SH3BGRL2: variants seen among roughly 807,000 people sequenced by gnomAD.
SH3BGRL2 encodes the protein SH3 domain-binding glutamic acid-rich-like protein 2.
In SH3BGRL2, 21 loss-of-function variants were observed where a neutral mutation model predicts 14.8. That is an observed-to-expected ratio of 1.42 (90% confidence interval 1.01 to 2.05). The LOEUF is 2.05. Ranked by LOEUF, SH3BGRL2 falls within the 30% of genes most tolerant of loss-of-function variation. The pLI is 0.00. For synonymous variants in SH3BGRL2, 50 were observed against 47.8 expected (o/e 1.05, Z -0.19); for missense variants, 147 against 130.8 (o/e 1.12, Z -0.61).
intron 1 of SH3BGRL2, among the ~76,000 whole-genome samples, chr6:79,665,028 C>A (rs1461519128): frequency 1.1e-4 from 17 of 152,058 alleles, no homozygotes; most frequent in Admixed American, 1.0e-3. Flanking sequence ...GGTGAAACCT[C>A]GTCTCTACTA....
chr6:79,617,829 C>A, the SH3BGRL2 span, among the ~76,000 whole-genome samples: 705 of 152,256 alleles, frequency 4.6e-3, 9 homozygotes, highest in African/African-American at 0.016. Flanking sequence ...TTGCAACAAT[C>A]AGGAGGCACT....
the SH3BGRL2 span, among the ~76,000 whole-genome samples, chr6:79,565,285 A>T: frequency 1.3e-5 from 2 of 152,168 alleles, no homozygotes; most frequent in Non-Finnish European, 2.9e-5. Context: ...GGCTCCCTCA[A>T]TGACCTTTAT....
intron 1 of SH3BGRL2, among the ~76,000 whole-genome samples, chr6:79,657,034 T>C (rs887557132): frequency 9.2e-5 from 14 of 152,162 alleles, no homozygotes; most frequent in African/African-American, 3.1e-4. Context: ...AGAAAAGAGA[T>C]GGGGCGAGAG....
chr6:79,558,472 A>G, the SH3BGRL2 span, among the ~76,000 whole-genome samples: 1 of 152,198 alleles, frequency 6.6e-6, no homozygotes, highest in East Asian at 1.9e-4. Flanking sequence ...GAAAGGAGGC[A>G]ATGTATTTGA....
the SH3BGRL2 span, among the ~76,000 whole-genome samples, chr6:79,560,083 C>T: frequency 6.6e-6 from 1 of 152,002 alleles, no homozygotes; most frequent in African/African-American, 2.4e-5. Flanking sequence ...GCCTGTGGTT[C>T]AGGAAGGGAA....
chr6:79,569,529 G>A, the SH3BGRL2 span, among the ~76,000 whole-genome samples: 4 of 152,148 alleles, frequency 2.6e-5, no homozygotes, highest in Non-Finnish European at 5.9e-5. Context: ...GTTATGTTAA[G>A]AGTCTGTTTT....
Position 79,687,285 on chromosome 6 carries a change from A to G in SH3BGRL2, c.232-9200A>G, listed in dbSNP as rs577156488. 2.0e-4 allele frequency among the ~76,000 whole-genome samples: 30 copies of G among 151,936 alleles called. 1 individual carries two copies. Among genetic ancestry groups the G allele is most frequent in the Admixed American group, 1.6e-3 (24 of 15,256 alleles). On this transcript the variant is annotated intron_variant, in intron 2 of 3. Coordinates refer to ENST00000369838, the MANE Select transcript of SH3BGRL2 (RefSeq NM_031469.4). ...GTGTTTTCTCTACCTGTTTGGTTGT[A>G]TTTTATGTATTCTGGGTATTTCTTA...
At position 79,654,833 on chromosome 6, in the gene SH3BGRL2, C is replaced by A. The variant is rs9448758; in HGVS notation, c.46-18781C>A. ...AGGTTTGATCCCTTTTACTTTTATTCCTCTTCGGTGCAGATATCTGATTCT... is the reference window on the plus strand; with the variant it reads ...AGGTTTGATCCCTTTTACTTTTATTACTCTTCGGTGCAGATATCTGATTCT... On this transcript the variant is annotated intron_variant, in intron 1 of 3. Transcript: ENST00000369838. Among the ~76,000 whole-genome samples the A allele has an allele frequency of 6.9e-3, 1,045 of 152,164 alleles. 13 individuals are homozygous for A. The highest frequency in any genetic ancestry group is 0.023 in the African/African-American group (972 of 41,516).
the SH3BGRL2 span, among the ~76,000 whole-genome samples, chr6:79,554,246 T>G: frequency 6.6e-6 from 1 of 152,194 alleles, no homozygotes; most frequent in East Asian, 1.9e-4. Flanking sequence ...ATTAATACCA[T>G]ATCATTATGA....
At chr6:79,594,614 A>T in the SH3BGRL2 span, among the ~76,000 whole-genome samples, 1 of 152,024 alleles carries the variant, frequency 6.6e-6, no homozygotes, top group African/African-American at 2.4e-5. Flanking sequence ...GGTACTCTCT[A>T]TGGGAAAGGT....
At chr6:79,605,978 T>C in the SH3BGRL2 span, among the ~76,000 whole-genome samples, 16 of 152,200 alleles carry the variant, frequency 1.1e-4, no homozygotes, top group African/African-American at 3.6e-4. Context: ...CCAATGAAAA[T>C]AATCCAGAGG....
At chr6:79,629,838 C>T (rs1054009859), upstream of SH3BGRL2, among the ~76,000 whole-genome samples, 1 of 152,100 alleles carries the variant, frequency 6.6e-6, no homozygotes, top group African/African-American at 2.4e-5. Context: ...ACTTTTTATC[C>T]ATTCTTGTAC....
chr6:79,638,244 A>G (rs1768964818), intron 1 of SH3BGRL2, among the ~76,000 whole-genome samples: 1 of 152,284 alleles, frequency 6.6e-6, no homozygotes, highest in East Asian at 1.9e-4. Flanking sequence ...ATTTCACTTA[A>G]TGTAATGTCC....
At chr6:79,592,179 T>A in the SH3BGRL2 span, among the ~76,000 whole-genome samples, 2 of 152,228 alleles carry the variant, frequency 1.3e-5, no homozygotes, top group Admixed American at 1.3e-4. Flanking sequence ...TGAAGGCATA[T>A]CTGGATTATT....
At chr6:79,568,047 A>G in the SH3BGRL2 span, among the ~76,000 whole-genome samples, 2 of 152,196 alleles carry the variant, frequency 1.3e-5, no homozygotes, top group Non-Finnish European at 2.9e-5. Flanking sequence ...AACATTGGCA[A>G]AAATTTTAAA....
chr6:79,605,144 A>G, the SH3BGRL2 span, among the ~76,000 whole-genome samples: 1 of 152,188 alleles, frequency 6.6e-6, no homozygotes, highest in African/African-American at 2.4e-5. Context: ...CACACTCTTG[A>G]AATGCTCCCT....
chr6:79,540,384 G>A, the SH3BGRL2 span, among the ~76,000 whole-genome samples: 7 of 152,128 alleles, frequency 4.6e-5, no homozygotes, highest in East Asian at 7.7e-4. Flanking sequence ...GCAGTGAGCC[G>A]AGATCGCGCC....
chr6:79,695,934 A>T (rs966625953), intron 2 of SH3BGRL2, among the ~76,000 whole-genome samples: 1 of 152,238 alleles, frequency 6.6e-6, no homozygotes, highest in Non-Finnish European at 1.5e-5. Context: ...GGTAAATATT[A>T]TAGAGAATAT....
At chr6:79,551,158 T>G in the SH3BGRL2 span, among the ~76,000 whole-genome samples, 1 of 152,240 alleles carries the variant, frequency 6.6e-6, no homozygotes, top group East Asian at 1.9e-4. Context: ...GAAGGACATT[T>G]TGTTACATTT....
Sources: gnomAD v4.1 joint callset for allele counts (sites outside exome capture counted in the v4.1 genomes callset) on GRCh38, gnomAD v4.1.1 for gene constraint, MANE v1.5 for transcripts, NCBI Gene and HGNC (gene_info 2026-07-23, HGNC 2026-07-21) for gene names.